The following VEZF1 variants were observed in gnomAD, a reference collection of about 807,000 sequenced individuals.
The protein encoded by VEZF1 is vascular endothelial zinc finger 1.
VEZF1 carries 5 observed loss-of-function variants against 44.1 expected under a neutral mutation model. The ratio of observed to expected loss-of-function variants is 0.11; its 90% CI spans 0.06 to 0.24. The LOEUF is 0.24. Among genes scored for constraint, VEZF1 ranks in the 10% least tolerant of loss-of-function variants. The pLI, the probability that VEZF1 is intolerant of heterozygous loss-of-function variation, is 1.00. For synonymous variants in VEZF1, 236 were observed against 233.1 expected (o/e 1.01, Z -0.11); for missense variants, 358 against 641.8 (o/e 0.56, Z 4.78).
intron 5 of VEZF1, 123 bp downstream of exon 5, chr17:57,979,029 C>G (rs2075219328): frequency 7.7e-7 from 1 of 1,295,054 alleles, no homozygotes; most frequent in South Asian, 1.5e-5. Flanking sequence ...CCAGCATGCA[C>G]TATTTCCATG....
chr17:57,983,340 G>C lies in VEZF1; in HGVS notation c.87C>G (p.Pro29=). 1.2e-6 allele frequency: 2 copies of C among 1,614,036 alleles called. No individual in the cohort carries two copies. Among genetic ancestry groups the C allele is most frequent in the Non-Finnish European group, 1.7e-6 (2 of 1,180,044 alleles). The change falls in exon 2 of 6, where the codon CCC becomes CCG. Residue 29 remains proline, a synonymous_variant. Transcript: ENST00000581208. ...GGGGCTCCACGGCAGAGCTCAGGAG[G>C]GGCAGCAAGCTGTTCTGTGCTGCCT... The part of the protein sequence containing the change: ...QQQAAQNSLL[P]LLSSAVEPPD...
At chr17:57,983,473 AC>A in intron 1 of VEZF1, 80 bp from the exon 2 acceptor site, 1 of 1,258,860 alleles carries the variant, frequency 7.9e-7, no homozygotes, top group Non-Finnish European at 1.1e-6. Context: ...GACAATAGAG[AC>A]CAGAAGAAAC....
At chr17:57,982,371 G>C (rs1226849799) in intron 2 of VEZF1, among the ~76,000 whole-genome samples, 1 of 152,070 alleles carries the variant, frequency 6.6e-6, no homozygotes, top group Non-Finnish European at 1.5e-5. Context: ...ACTTTAATTT[G>C]CCCAGTGAGC....
rs778054298 is a variant in VEZF1, at chr17:57,983,094, C to A, written c.333G>T (p.Thr111=). Residue 111 remains threonine, a synonymous_variant, in exon 2 of 6, where the codon ACG becomes ACT. Coordinates refer to ENST00000581208, the MANE Select transcript of VEZF1 (RefSeq NM_007146.3). ...LVSRPKKTPT[T]VVPLISTIAG... ...CGATGGTAGAGATAAGGGGAACCAC[C>A]GTGGTGGGGGTTTTCTTTGGCCGGG... 1 of 1,614,162 alleles carries A rather than the reference C, an allele frequency of 6.2e-7. No homozygotes were observed. Among genetic ancestry groups the A allele is most frequent in the South Asian group, 1.1e-5 (1 of 91,088 alleles).
rs199966613 is a variant in VEZF1 at position 57,975,805 on chromosome 17, C to CT, written c.1139-906dup. Reference sequence around the variant, plus strand: ...CTTCTTATCCAACAAAACCTGGACACTTTTTTTTCTGAGACAGGGTCTCCT... The same window carrying CT: ...CTTCTTATCCAACAAAACCTGGACACTTTTTTTTTCTGAGACAGGGTCTCCT... On this transcript the variant is annotated intron_variant, in intron 5 of 5. Coordinates refer to ENST00000581208, the MANE Select transcript of VEZF1 (RefSeq NM_007146.3). 9.1e-3 allele frequency among the ~76,000 whole-genome samples: 1,382 copies of CT among 152,044 alleles called. 22 individuals carry two copies. Among genetic ancestry groups the CT allele is most frequent in the African/African-American group, 0.032 (1,322 of 41,454 alleles).
Position 57,975,609 on chromosome 17 carries a change from C to T in VEZF1, c.1139-709G>A, listed in dbSNP as rs150289567. Reference sequence around the variant, plus strand: ...TACATTAGGAAAGAAAAAAATACTCCTCAATAAGTTCATGTTCTCCTCACT... The same window carrying T: ...TACATTAGGAAAGAAAAAAATACTCTTCAATAAGTTCATGTTCTCCTCACT... On this transcript the variant is annotated intron_variant, in intron 5 of 5. Coordinates refer to ENST00000581208, the MANE Select transcript of VEZF1 (RefSeq NM_007146.3). Among the ~76,000 whole-genome samples the T allele has an allele frequency of 8.4e-3, 1,274 of 152,280 alleles. 13 individuals carry two copies. Among genetic ancestry groups the T allele is most frequent in the Middle Eastern group, 0.041 (12 of 294 alleles).
chr17:57,980,600 T>A lies in VEZF1; in HGVS notation c.976+3A>T, dbSNP rs1209306031. On this transcript the variant is annotated splice_donor_region_variant and intron_variant, in intron 4 of 5. Coordinates refer to ENST00000581208, the MANE Select transcript of VEZF1 (RefSeq NM_007146.3). Reference sequence around the variant, plus strand: ...AAGAAAGAAAATCTGAAGCACCACCTACTTTTACTGATGCCTTGTTTACAT... The same window carrying A: ...AAGAAAGAAAATCTGAAGCACCACCAACTTTTACTGATGCCTTGTTTACAT... 6.2e-7 allele frequency: 1 copy of A among 1,611,882 alleles called. No homozygotes were observed. The highest frequency in any genetic ancestry group is 8.5e-7 in the Non-Finnish European group (1 of 1,179,638).
rs935693670 is a variant in VEZF1, at chr17:57,988,188, AGCG to A, written c.-80_-78del. On this transcript the variant is annotated 5_prime_UTR_variant, in exon 1 of 6. Transcript: ENST00000581208. ...CCTCAGCCGGAGGAGGCGACAACAA[AGCG>A]GCGGCGGCGGCGGCGGCAACGGCAG... 241 of 324,208 alleles carry A rather than the reference AGCG, an allele frequency of 7.4e-4. No individual in the cohort carries two copies. Among genetic ancestry groups the A allele is most frequent in the East Asian group, 1.3e-3 (15 of 11,298 alleles). 20.1% of individuals were successfully genotyped at this position (324,208 alleles called of 1,614,324 possible).
At chr17:57,980,842 T>C (rs573792853) in intron 3 of VEZF1, 56 bp from the exon 4 acceptor site, 626 of 1,570,078 alleles carry the variant, frequency 4.0e-4, no homozygotes, top group Non-Finnish European at 5.2e-4. Context: ...CTACTCATTT[T>C]GAAGTACGTT....
Position 57,983,262 on chromosome 17 carries a change from T to G in VEZF1, c.165A>C (p.Ala55=). 3 of 1,614,130 alleles carry G rather than the reference T, an allele frequency of 1.9e-6. No individual in the cohort carries two copies. The highest frequency in any genetic ancestry group is 2.5e-6 in the Non-Finnish European group (3 of 1,180,024). The part of the protein sequence containing the change: ...PIPITQKPQG[A]PETLKDAIGI... ...CAATGGCATCCTTTAATGTTTCTGG[T>G]GCACCCTGAGGTTTCTGAGTTATTG... Residue 55 remains alanine, a synonymous_variant, in exon 2 of 6, where the codon GCA becomes GCC. Transcript: ENST00000581208.
chr17:57,980,861 T>C, intron 3 of VEZF1, 75 bp from the exon 4 acceptor site: 11 of 1,453,662 alleles, frequency 7.6e-6, no homozygotes, highest in Non-Finnish European at 1.0e-5. Context: ...TTATATTCTG[T>C]GCATTACCCT....
chr17:57,985,736 A>G (rs2075288087), intron 1 of VEZF1, among the ~76,000 whole-genome samples: 1 of 152,230 alleles, frequency 6.6e-6, no homozygotes, highest in Non-Finnish European at 1.5e-5. Context: ...CCAGAGGGTA[A>G]AAGATTTTGT....
intron 1 of VEZF1, chr17:57,985,347 T>C (rs1187784122): frequency 3.2e-6 from 4 of 1,230,804 alleles, no homozygotes; most frequent in Non-Finnish European, 4.1e-6. Flanking sequence ...ACCAGGTCCC[T>C]GCTTCTTGGG....
chr17:57,982,046 G>T, intron 2 of VEZF1, 110 bp from the exon 3 acceptor site: 1 of 1,180,346 alleles, frequency 8.5e-7, no homozygotes, highest in Non-Finnish European at 1.2e-6. Context: ...TTTAGGGAAA[G>T]CTAGCAGAAT....
chr17:57,981,803 C>A, intron 3 of VEZF1, 70 bp downstream of exon 3: 1 of 1,464,890 alleles, frequency 6.8e-7, no homozygotes, highest in Non-Finnish European at 9.5e-7. Context: ...TGGTGAGATT[C>A]AACTGGCTCA....
chr17:57,974,357 T>C lies in VEZF1; in HGVS notation c.*116A>G. 2.5e-6 allele frequency: 3 copies of C among 1,208,140 alleles called. No homozygotes were observed. Among genetic ancestry groups the C allele is most frequent in the Middle Eastern group, 2.8e-4 (1 of 3,604 alleles). The allele number at this position is 1,208,140 out of a possible 1,614,324, so 74.8% of individuals were successfully genotyped here. ...GGAGAAAAATGCTACCACACTCTTA[T>C]TAACTAATGTAATAAAATCTCCCAA... On this transcript the variant is annotated 3_prime_UTR_variant, in exon 6 of 6. Coordinates refer to ENST00000581208, the MANE Select transcript of VEZF1 (RefSeq NM_007146.3).
rs141444864 is a variant in VEZF1, at chr17:57,974,638, G to A, written c.1401C>T (p.Pro467=). 3.1e-6 allele frequency: 5 copies of A among 1,614,000 alleles called. No homozygotes were observed. Among genetic ancestry groups the A allele is most frequent in the Non-Finnish European group, 4.2e-6 (5 of 1,180,032 alleles). ...PLTLTTPVNL[P]TPVTAPVNIA... is the part of the protein sequence containing the mutation. The stretch of plus-strand genomic sequence containing the variant: ...TATTCACTGGGGCAGTGACGGGGGT[G>A]GGGAGGTTGACTGGGGTAGTGAGTG... Residue 467 remains proline, a synonymous_variant, in exon 6 of 6, where the codon CCC becomes CCT. Transcript: ENST00000581208.
intron 1 of VEZF1, among the ~76,000 whole-genome samples, chr17:57,984,755 T>C (rs1439406153): frequency 2.0e-5 from 3 of 152,330 alleles, no homozygotes; most frequent in South Asian, 4.1e-4. Flanking sequence ...GTTTACTTGA[T>C]GGCAGCATAA....
rs1407621192 is a variant in VEZF1 at position 57,979,271 on chromosome 17, T to C, written c.1019A>G (p.Gln340Arg). The C allele has an allele frequency of 1.2e-6, 2 of 1,613,636 alleles. No individual in the cohort carries two copies. Residue 340 changes from glutamine (Q) to arginine (R), a missense_variant, in exon 5 of 6, where the codon CAG becomes CGG. Physicochemically the swap from Gln to Arg is conservative, Grantham distance 43. Around this residue, in one of 4 missense-constraint regions of VEZF1, gnomAD observed 171 missense variants for 272.4 expected, o/e 0.63. Coordinates refer to ENST00000581208, the MANE Select transcript of VEZF1 (RefSeq NM_007146.3). The stretch of plus-strand genomic sequence containing the variant: ...CTGCTGCTGCTGCTGCTGCTGCTGC[T>C]GCTGCTGCTGCTTTTGGTTACTGGT... ...EETSNQKQQQ[Q>R]QQQQQQQQQQ...
Sources: allele counts gnomAD v4.1 joint callset (sites outside exome capture counted in the v4.1 genomes callset), GRCh38; gene constraint gnomAD v4.1.1; regional missense constraint gnomAD v4.1.1; transcripts MANE v1.5; gene names NCBI Gene and HGNC (gene_info 2026-07-23, HGNC 2026-07-21).